ADCY4: variants seen among roughly 807,000 people sequenced by gnomAD.
The protein encoded by ADCY4 is adenylate cyclase type 4.
A neutral mutation model predicts 125.5 loss-of-function variants in ADCY4; 111 were observed. The observed-to-expected ratio is 0.88, with a 90% CI of 0.76 to 1.04. ADCY4 has a LOEUF of 1.04. Ranked by LOEUF, ADCY4 falls within the 50% of genes least tolerant of loss-of-function variation. The pLI is 0.00. For missense variants in ADCY4, 1,256 were observed against 1,382.9 expected, an observed-to-expected ratio of 0.91 and a Z score of 1.46; for synonymous variants, 576 against 586.9, an observed-to-expected ratio of 0.98 and a Z score of 0.27.
At chr14:24,325,916 G>C (rs1266115804) in intron 12 of ADCY4, 29 bp from the exon 13 acceptor site, 4 of 1,576,378 alleles carry the variant, frequency 2.5e-6, no homozygotes, top group Middle Eastern at 1.7e-4. Flanking sequence ...GTGGGTGAAA[G>C]CACCAGAGAA....
Position 24,334,487 on chromosome 14 carries a change from G to T in ADCY4, c.159+7C>A, listed in dbSNP as rs1448206776. 2.5e-6 allele frequency: 4 copies of T among 1,573,614 alleles called. No individual in the cohort carries two copies. Among genetic ancestry groups the T allele is most frequent in the Non-Finnish European group, 3.4e-6 (4 of 1,166,614 alleles). The stretch of plus-strand genomic sequence containing the variant: ...AGAGACCCTCCCGCAGCAGAGGCTC[G>T]GCTCACCCTGCCGCTGGCCCAGGCC... On this transcript the variant is annotated splice_region_variant and intron_variant, in intron 1 of 24. Transcript: ENST00000418030.
intron 20 of ADCY4, among the ~76,000 whole-genome samples, chr14:24,320,272 A>G (rs2041832391): frequency 2.0e-5 from 3 of 152,232 alleles, no homozygotes; most frequent in Admixed American, 2.0e-4. Flanking sequence ...GTCAGTTAAG[A>G]TAGGTACAAA....
In ADCY4 at chr14:24,330,173, G is replaced by T. The variant is rs190335619; in HGVS notation, c.1053C>A (p.Ala351=). The T allele has an allele frequency of 2.3e-4, 376 of 1,613,684 alleles. 5 individuals are homozygous for T. The East Asian group carries it at 7.3e-3, about 31-fold the overall frequency. Residue 351 remains alanine, a synonymous_variant, in exon 7 of 25, where the codon GCC becomes GCA. Coordinates refer to ENST00000418030, the MANE Select transcript of ADCY4 (RefSeq NM_001198568.2). ...CVRMGLDMCR[A]IRKLRAATGV... ...TGACCACCGCCTGAGCTGACCTGAT[G>T]GCCCGGCACATGTCCAGGCCCATGC...
chr14:24,332,237 CTTTTTT>C (rs61560607), intron 3 of ADCY4: 3 of 394,630 alleles, frequency 7.6e-6, no homozygotes, highest in Non-Finnish European at 1.3e-5. Context: ...TCGCACAAAA[CTTTTTT>C]TTTTTTTTTT....
Position 24,324,127 on chromosome 14 carries a change from C to T in ADCY4, c.1981G>A (p.Gly661Arg). The change falls in exon 16 of 25, where the codon GGA (glycine) becomes AGA (arginine). Residue 661 changes from glycine (G) to arginine (R), a missense_variant. Physicochemically the swap from Gly to Arg is moderately radical, Grantham distance 125. Transcript: ENST00000418030. ...GCGGTGCCCAAGGCTATTCTCAGTCCTGGTCGTGTGGCCACCAGGCCAGAC... is the reference window on the plus strand; with the variant it reads ...GCGGTGCCCAAGGCTATTCTCAGTCTTGGTCGTGTGGCCACCAGGCCAGAC... ...ALSGLVATRP[G>R]LRIALGTATI... The T allele has an allele frequency of 1.9e-6, 3 of 1,614,262 alleles. No individual in the cohort carries two copies. Among genetic ancestry groups the T allele is most frequent in the Non-Finnish European group, 2.5e-6 (3 of 1,180,052 alleles).
rs2042047748 is a variant in ADCY4 at position 24,331,940 on chromosome 14, G to C, written c.520-3C>G. 1.3e-6 allele frequency: 2 copies of C among 1,553,434 alleles called. No individual in the cohort carries two copies. The highest frequency in any genetic ancestry group is 1.8e-6 in the Non-Finnish European group (2 of 1,141,814). On this transcript the variant is annotated splice_polypyrimidine_tract_variant and splice_region_variant and intron_variant, in intron 3 of 24. Coordinates refer to ENST00000418030, the MANE Select transcript of ADCY4 (RefSeq NM_001198568.2). ...AACAGCACTGCGTTTGCTGCCAACT[G>C]TGGGTGAAGGCCAGCCTCAGAGGGC...
rs765821696 is a variant in ADCY4 at position 24,319,420 on chromosome 14, T to C, written c.2750A>G (p.Lys917Arg). The C allele has an allele frequency of 1.9e-5, 31 of 1,614,084 alleles. No individual in the cohort carries two copies. The highest frequency in any genetic ancestry group is 2.7e-5 in the African/African-American group (2 of 74,940). ...CTTGATCTTCTCCACCCCACTGAAC[T>C]TGGGCTTGGAGAGCAGCTGTATATA... ...ADFDELLSKP[K>R]FSGVEKIKTI... is the part of the protein sequence containing the mutation. Residue 917 changes from lysine to arginine, a missense_variant, in exon 22 of 25, where the codon AAG (lysine) becomes AGG (arginine). By Grantham distance (26) the Lys-to-Arg change is conservative. Transcript: ENST00000418030. The surrounding 1 kb of genome is among the most constrained non-coding windows in gnomAD (Gnocchi z 4.5).
chr14:24,331,582 C>T (rs1348505105), intron 4 of ADCY4: 1 of 916,482 alleles, frequency 1.1e-6, no homozygotes, highest in Non-Finnish European at 1.6e-6. Flanking sequence ...CACTTAATAT[C>T]ATAATGCTCT....
rs1175116058 is a variant in ADCY4, at chr14:24,325,804, A to G, written c.1725+14T>C. Reference sequence around the variant, plus strand: ...GTTGGGAAGTTGTTTGGTGCCACCCACACCACAGCCCACCTCTTTCTCCAT... The same window carrying G: ...GTTGGGAAGTTGTTTGGTGCCACCCGCACCACAGCCCACCTCTTTCTCCAT... On this transcript the variant is annotated intron_variant, in intron 13 of 24. Transcript: ENST00000418030. The G allele has an allele frequency of 6.3e-7, 1 of 1,588,258 alleles. No homozygotes were observed. Among genetic ancestry groups the G allele is most frequent in the Non-Finnish European group, 8.6e-7 (1 of 1,164,768 alleles).
rs1172790573 is a variant in ADCY4 at position 24,329,883 on chromosome 14, G to A, written c.1194C>T (p.His398=). Residue 398 remains histidine (H), a synonymous_variant, in exon 8 of 25, where the codon CAC becomes CAT. Transcript: ENST00000418030. ...ACCCTGGTACACCGCCTGCCTCCAT[G>A]TGGTTAGCCAGTGTGACATCATGTG... ...VWSHDVTLAN[H]MEAGGVPGRV... 1.9e-6 allele frequency: 3 copies of A among 1,614,000 alleles called. No individual in the cohort carries two copies. The Admixed American group carries it at 5.0e-5, about 27-fold the overall frequency.
chr14:24,332,868 C>T lies in ADCY4; in HGVS notation c.280G>A (p.Gly94Ser), dbSNP rs1249164371. ...GCTAGCAGCGCGACCCATACCAAGC[C>T]GGACAGGGGACGCGTCCAGCGCTGC... ...RLQRWTRPLS[G>S]LVWVALLALG... The change falls in exon 2 of 25, where the codon GGC becomes AGC. Residue 94 changes from glycine to serine, a missense_variant. Physicochemically the swap from Gly to Ser is moderately conservative, Grantham distance 56. Coordinates refer to ENST00000418030, the MANE Select transcript of ADCY4 (RefSeq NM_001198568.2). The T allele has an allele frequency of 3.1e-6, 5 of 1,605,422 alleles. No homozygotes were observed. The highest frequency in any genetic ancestry group is 4.3e-6 in the Non-Finnish European group (5 of 1,176,180).
chr14:24,329,896 G>A lies in ADCY4; in HGVS notation c.1181C>T (p.Thr394Ile), dbSNP rs764459963. ...GCCTGCCTCCATGTGGTTAGCCAGT[G>A]TGACATCATGTGACCAAACGTCGTA... ...WQYDVWSHDV[T>I]LANHMEAGGV... Residue 394 changes from threonine to isoleucine, a missense_variant, in exon 8 of 25, where the codon ACA (threonine) becomes ATA (isoleucine). Coordinates refer to ENST00000418030, the MANE Select transcript of ADCY4 (RefSeq NM_001198568.2). 6.2e-7 allele frequency: 1 copy of A among 1,614,136 alleles called. No individual in the cohort carries two copies. The highest frequency in any genetic ancestry group is 1.7e-5 in the Admixed American group (1 of 60,022).
chr14:24,334,093 A>C (rs913015279), intron 1 of ADCY4, among the ~76,000 whole-genome samples: 42 of 152,158 alleles, frequency 2.8e-4, no homozygotes, highest in Admixed American at 7.2e-4. Context: ...AGCCCGGTGG[A>C]GGGTGCCTTC....
intron 10 of ADCY4, among the ~76,000 whole-genome samples, chr14:24,328,289 TC>T (rs1357993721): frequency 9.9e-4 from 149 of 150,776 alleles, no homozygotes; most frequent in African/African-American, 3.6e-3. Context: ...CTCCTCCACC[TC>T]TTGTGGAGGC....
intron 19 of ADCY4, 38 bp from the exon 20 acceptor site, chr14:24,322,262 G>A (rs771578691): frequency 1.9e-6 from 3 of 1,586,232 alleles, no homozygotes; most frequent in Non-Finnish European, 1.7e-6. Flanking sequence ...GAGACACAGA[G>A]CAGGGGAAGC....
intron 23 of ADCY4, 101 bp downstream of exon 23, chr14:24,318,997 G>T (rs2041812383): frequency 1.0e-5 from 15 of 1,478,930 alleles, no homozygotes; most frequent in Non-Finnish European, 1.3e-5. Flanking sequence ...CAGGAAAGGG[G>T]CTTCAGGATG....
intron 2 of ADCY4, 46 bp from the exon 3 acceptor site, chr14:24,332,729 A>C: frequency 1.3e-6 from 2 of 1,555,410 alleles, no homozygotes; most frequent in Non-Finnish European, 1.7e-6. Context: ...GGGGCTATTC[A>C]AGGCCTGGTG....
At chr14:24,330,607 G>T (rs2042026330) in intron 6 of ADCY4, 4 of 357,642 alleles carry the variant, frequency 1.1e-5, no homozygotes, top group Non-Finnish European at 1.5e-5. Flanking sequence ...GGGAATCCAA[G>T]AATTGGTTGC....
chr14:24,327,892 G>C (rs1403279483), intron 10 of ADCY4, among the ~76,000 whole-genome samples: 1 of 152,162 alleles, frequency 6.6e-6, no homozygotes, highest in Non-Finnish European at 1.5e-5. Flanking sequence ...TGTTATACCA[G>C]ATATAGATCT....
Sources: gnomAD v4.1 joint callset for allele counts (sites outside exome capture counted in the v4.1 genomes callset) on GRCh38, gnomAD v4.1.1 for gene constraint, Gnocchi (gnomAD v3.1) non-coding constraint, MANE v1.5 for transcripts, NCBI Gene and HGNC (gene_info 2026-07-23, HGNC 2026-07-21) for gene names.